The following COLEC12 variants were observed in gnomAD, a reference collection of about 807,000 sequenced individuals.
COLEC12 encodes collectin-12.
COLEC12 carries 33 observed loss-of-function variants against 71.1 expected under a neutral mutation model. The ratio of observed to expected loss-of-function variants is 0.46; its 90% CI spans 0.35 to 0.62. COLEC12 has a LOEUF of 0.62. COLEC12 is among the 20% of genes least tolerant of loss of function. The pLI, the probability that COLEC12 is intolerant of heterozygous loss-of-function variation, is 0.00. For missense variants in COLEC12, 765 were observed against 916.1 expected (o/e 0.84, Z 2.13); for synonymous variants, 350 against 353.0 (o/e 0.99, Z 0.10).
chr18:376,613 T>C (rs970388844), intron 2 of COLEC12, among the ~76,000 whole-genome samples: 1 of 152,198 alleles, frequency 6.6e-6, no homozygotes, highest in Non-Finnish European at 1.5e-5. Context: ...TGTTCTTCCT[T>C]TGCTTCTCTG....
chr18:319,936 T>A lies in COLEC12; in HGVS notation c.*109A>T. On this transcript the variant is annotated 3_prime_UTR_variant, in exon 10 of 10. Transcript: ENST00000400256. ...TGTCAATTTTTTTTCAGTAATTGGT[T>A]TTCAGTGCTTTTTTTTTTTCAATCT... 1 of 763,982 alleles carries A rather than the reference T, an allele frequency of 1.3e-6. No homozygotes were observed. Among genetic ancestry groups the A allele is most frequent in the East Asian group, 2.6e-5 (1 of 37,794 alleles). 47.3% of individuals were successfully genotyped at this position (763,982 alleles called of 1,614,324 possible). A position where few individuals can be genotyped will look rare whatever the true frequency, so the allele number is the denominator to read the frequency against.
Position 373,469 on chromosome 18 carries a change from T to G in COLEC12, c.59-15947A>C, listed in dbSNP as rs141197011. Among the ~76,000 whole-genome samples, 69 of 152,348 alleles carry G rather than the reference T, an allele frequency of 4.5e-4. No individual in the cohort carries two copies. In the East Asian group the frequency reaches 6.8e-3, roughly 15 times the overall value. On this transcript the variant is annotated intron_variant, in intron 2 of 9. Coordinates refer to ENST00000400256, the MANE Select transcript of COLEC12 (RefSeq NM_130386.3). ...TCCTTAGCCACACAGATGAAGGGTT[T>G]GTACTAATTCCTCAGTGAGGAGGAA...
At chr18:425,683 C>G (rs1205455317) in intron 2 of COLEC12, among the ~76,000 whole-genome samples, 1 of 152,220 alleles carries the variant, frequency 6.6e-6, no homozygotes, top group Non-Finnish European at 1.5e-5. Context: ...CACCACTAAC[C>G]TCTCTGGAGC....
chr18:336,879 A>G (rs114805520), intron 5 of COLEC12, among the ~76,000 whole-genome samples: 235 of 151,770 alleles, frequency 1.5e-3, no homozygotes, highest in African/African-American at 5.5e-3. Flanking sequence ...TTTTTTAGAG[A>G]CAGTCTCACT....
At position 500,414 on chromosome 18, in the gene COLEC12, G is replaced by A. The variant is rs891289739; in HGVS notation, c.7+94C>T. 3.4e-6 allele frequency: 3 copies of A among 885,048 alleles called. No homozygotes were observed. Among genetic ancestry groups the A allele is most frequent in the Non-Finnish European group, 4.4e-6 (3 of 684,040 alleles). The allele number at this position is 885,048 out of a possible 1,614,324, so 54.8% of individuals were successfully genotyped here. ...CGACTCCCCGGGCCCGCAGCCCAAGGGAAGGTTCGCGCGGGAGGCACCTCC... is the reference window on the plus strand; with the variant it reads ...CGACTCCCCGGGCCCGCAGCCCAAGAGAAGGTTCGCGCGGGAGGCACCTCC... On this transcript the variant is annotated intron_variant, in intron 1 of 9. Transcript: ENST00000400256. The surrounding 1 kb of genome is among the most constrained non-coding windows in gnomAD (Gnocchi z 5.3).
intron 2 of COLEC12, among the ~76,000 whole-genome samples, chr18:452,373 T>C (rs1007636801): frequency 6.6e-6 from 1 of 152,170 alleles, no homozygotes. Flanking sequence ...AGCGCTATAG[T>C]AAGAATTAAT....
At chr18:368,322 C>T (rs540841312) in intron 2 of COLEC12, among the ~76,000 whole-genome samples, 11 of 152,322 alleles carry the variant, frequency 7.2e-5, no homozygotes, top group East Asian at 5.8e-4. Flanking sequence ...TCTGTAATCC[C>T]AACATTTTGG....
At chr18:431,242 A>G (rs756322540) in intron 2 of COLEC12, among the ~76,000 whole-genome samples, 3 of 151,930 alleles carry the variant, frequency 2.0e-5, no homozygotes, top group Non-Finnish European at 2.9e-5. Context: ...GGCTCAAGCA[A>G]TCCTTGCACC....
intron 3 of COLEC12, among the ~76,000 whole-genome samples, chr18:352,285 A>C (rs1168560394): frequency 6.6e-6 from 1 of 152,188 alleles, no homozygotes; most frequent in Admixed American, 6.5e-5. Context: ...TTGATCCTCA[A>C]ATCAAAACAT....
Position 321,777 on chromosome 18 carries a change from C to G in COLEC12, c.2094G>C (p.Trp698Cys). The G allele has an allele frequency of 1.9e-6, 3 of 1,614,142 alleles. No individual in the cohort carries two copies. Among genetic ancestry groups the G allele is most frequent in the Non-Finnish European group, 2.5e-6 (3 of 1,180,012 alleles). The change falls in exon 9 of 10, where the codon TGG becomes TGC. Residue 698 changes from tryptophan to cysteine, a missense_variant. Transcript: ENST00000400256. ...KNWKAGQPDN[W>C]GHGHGPGEDC... ...CTTCTCCTGGCCCATGGCCATGACC[C>G]CAGTTATCCGGCTGTCCAGCTTTCC...
chr18:467,211 G>C (rs1365308015), intron 2 of COLEC12, among the ~76,000 whole-genome samples: 2 of 151,938 alleles, frequency 1.3e-5, no homozygotes, highest in Non-Finnish European at 2.9e-5. Context: ...AAAAGGCAGA[G>C]AATGAGAGAA....
At position 480,607 on chromosome 18, in the gene COLEC12, G is replaced by T; in HGVS notation, c.58+100C>A. The T allele has an allele frequency of 1.9e-6, 2 of 1,027,860 alleles. No homozygotes were observed. Among genetic ancestry groups the T allele is most frequent in the Non-Finnish European group, 1.5e-6 (1 of 646,636 alleles). The allele number at this position is 1,027,860 out of a possible 1,614,324, so 63.7% of individuals were successfully genotyped here. A position where few individuals can be genotyped will look rare whatever the true frequency, so the allele number is the denominator to read the frequency against. ...ACCTCAGAGCCACAAACACCCATGT[G>T]CATGAAGGGCCTGCCAGTGGCCTGC... On this transcript the variant is annotated intron_variant, in intron 2 of 9. Transcript: ENST00000400256. The surrounding 1 kb of genome is among the most constrained non-coding windows in gnomAD (Gnocchi z 4.1).
chr18:325,815 C>T (rs1913829892), intron 8 of COLEC12, among the ~76,000 whole-genome samples: 1 of 151,932 alleles, frequency 6.6e-6, no homozygotes, highest in African/African-American at 2.4e-5. Flanking sequence ...AGATGCACAC[C>T]AGCACACCCA....
intron 2 of COLEC12, among the ~76,000 whole-genome samples, chr18:413,386 T>C (rs1915928663): frequency 6.6e-6 from 1 of 152,234 alleles, no homozygotes; most frequent in Admixed American, 6.5e-5. Flanking sequence ...AGATCACTCA[T>C]ATGCTGCTGG....
At chr18:375,841 C>T (rs1573316) in intron 2 of COLEC12, among the ~76,000 whole-genome samples, 138,255 of 152,286 alleles carry the variant, frequency 0.91, 62,758 homozygotes, top group East Asian at 0.99. Context: ...CTCATAAAGT[C>T]GTTGAGGAGA....
intron 7 of COLEC12, among the ~76,000 whole-genome samples, chr18:332,441 T>A (rs1433031230): frequency 6.6e-6 from 1 of 152,230 alleles, no homozygotes; most frequent in East Asian, 1.9e-4. Flanking sequence ...TCAGTCTGCA[T>A]AAACCTTGCC....
chr18:394,975 A>G (rs1220124727), intron 2 of COLEC12, among the ~76,000 whole-genome samples: 1 of 152,266 alleles, frequency 6.6e-6, no homozygotes, highest in East Asian at 1.9e-4. Context: ...TAATGGACTC[A>G]GTTAAAGGTT....
intron 3 of COLEC12, among the ~76,000 whole-genome samples, chr18:349,582 C>G (rs991480917): frequency 6.6e-6 from 1 of 152,190 alleles, no homozygotes; most frequent in African/African-American, 2.4e-5. Flanking sequence ...CTCCAGACCC[C>G]AGAAGGGTAG....
In COLEC12 at chr18:331,668, T is replaced by C. The variant is rs993512331; in HGVS notation, c.2063A>G (p.Lys688Arg). Reference sequence around the variant, plus strand: ...AATCTGGAAGCTTCTGAGTACTTACTTGTAGTCTGGAGATGTCCCATCCAG... The same window carrying C: ...AATCTGGAAGCTTCTGAGTACTTACCTGTAGTCTGGAGATGTCCCATCCAG... ...KWLDGTSPDY[K>R]NWKAGQPDNW... The change falls in exon 8 of 10, where the codon AAA becomes AGA. Residue 688 changes from lysine (K) to arginine (R), a missense_variant and splice_region_variant. By Grantham distance (26) the Lys-to-Arg change is conservative (BLOSUM62 2). Transcript: ENST00000400256. 1.3e-6 allele frequency: 2 copies of C among 1,596,582 alleles called. No individual in the cohort carries two copies. The highest frequency in any genetic ancestry group is 2.2e-5 in the South Asian group (2 of 90,774).
Sources: gnomAD v4.1 joint callset for allele counts (sites outside exome capture counted in the v4.1 genomes callset) on GRCh38, gnomAD v4.1.1 for gene constraint, Gnocchi (gnomAD v3.1) non-coding constraint, MANE v1.5 for transcripts, NCBI Gene and HGNC (gene_info 2026-07-23, HGNC 2026-07-21) for gene names.